The following MAP2K5 variants were observed in gnomAD, a reference collection of about 807,000 sequenced individuals.
MAP2K5 encodes the protein dual specificity mitogen-activated protein kinase kinase 5.
A neutral mutation model predicts 83.1 loss-of-function variants in MAP2K5; 49 were observed. The ratio of observed to expected loss-of-function variants is 0.59; its 90% CI spans 0.47 to 0.75. The LOEUF (loss-of-function observed/expected upper bound fraction) is 0.75, where lower values mean the gene tolerates loss of function less well. MAP2K5 is among the 30% of genes least tolerant of loss of function. MAP2K5 has a pLI of 0.00. For missense variants in MAP2K5, 457 were observed against 557.5 expected, an observed-to-expected ratio of 0.82 and a Z score of 1.82; for synonymous variants, 202 against 191.8, an observed-to-expected ratio of 1.05 and a Z score of -0.44.
Position 67,690,200 on chromosome 15 carries a change from TAAG to T in MAP2K5, c.848-2276_848-2274del, listed in dbSNP as rs2088069125. ...AATATTTAAAACTGAGGGCCCATGA[TAAG>T]AACTAGATTTGAAAAATAAGACCAA... On this transcript the variant is annotated intron_variant, in intron 13 of 21. Coordinates refer to ENST00000178640, the MANE Select transcript of MAP2K5 (RefSeq NM_145160.3). This position sits in a 1 kb window ranked among gnomAD's most constrained non-coding sequence, Gnocchi z 4.3. Among the ~76,000 whole-genome samples, 1 of 152,220 alleles carries T rather than the reference TAAG, an allele frequency of 6.6e-6. No homozygotes were observed. The highest frequency in any genetic ancestry group is 2.1e-4 in the South Asian group (1 of 4,826).
intron 2 of MAP2K5, among the ~76,000 whole-genome samples, chr15:67,551,833 A>T (rs969695717): frequency 2.0e-5 from 3 of 152,256 alleles, no homozygotes; most frequent in African/African-American, 7.2e-5. Flanking sequence ...TATAATTCAA[A>T]GCATTCAACA....
chr15:67,650,220 G>A (rs949646705), intron 11 of MAP2K5, among the ~76,000 whole-genome samples: 1 of 152,036 alleles, frequency 6.6e-6, no homozygotes, highest in Non-Finnish European at 1.5e-5. Context: ...ATAGCTTTTT[G>A]TGGATTCCTT....
At chr15:67,728,468 A>G (rs1328751175) in intron 17 of MAP2K5, among the ~76,000 whole-genome samples, 1 of 152,228 alleles carries the variant, frequency 6.6e-6, no homozygotes, top group East Asian at 1.9e-4. Context: ...CCATTATAGT[A>G]GCATTGCTGA....
intron 4 of MAP2K5, among the ~76,000 whole-genome samples, chr15:67,585,527 CT>C (rs1428109356): frequency 6.6e-6 from 1 of 152,128 alleles, no homozygotes; most frequent in Admixed American, 6.5e-5. Flanking sequence ...TCCCTTAGCT[CT>C]TTTCAAAGTA....
chr15:67,601,780 C>G (rs1183463803), intron 8 of MAP2K5, among the ~76,000 whole-genome samples: 1 of 152,204 alleles, frequency 6.6e-6, no homozygotes, highest in African/African-American at 2.4e-5. Flanking sequence ...ATTGATGCAG[C>G]CTTGGTATAG....
chr15:67,753,583 A>C (rs1231328943), intron 19 of MAP2K5, among the ~76,000 whole-genome samples: 4 of 152,244 alleles, frequency 2.6e-5, no homozygotes, highest in African/African-American at 9.6e-5. Flanking sequence ...CAATAAGCAC[A>C]TGAAAATATG....
Position 67,747,777 on chromosome 15 carries a change from T to C in MAP2K5, c.1075-454T>C, listed in dbSNP as rs2089634984. 6.6e-6 allele frequency among the ~76,000 whole-genome samples: 1 copy of C among 152,186 alleles called. No homozygotes were observed. On this transcript the variant is annotated intron_variant, in intron 17 of 21. Transcript: ENST00000178640. This position sits in a 1 kb window ranked among gnomAD's most constrained non-coding sequence, Gnocchi z 4.1. ...AAAGTTTTCCTCACAAAATAGGGGA[T>C]TGTGAGCAGACACTGGCAGGAATCC... is the stretch of plus-strand genomic sequence containing the variant.
intron 20 of MAP2K5, among the ~76,000 whole-genome samples, chr15:67,771,866 T>A (rs2090148869): frequency 6.6e-6 from 1 of 152,178 alleles, no homozygotes; most frequent in Non-Finnish European, 1.5e-5. Context: ...TTTTTCCAAG[T>A]GATAGAAGCA....
At chr15:67,575,928 T>TCTTTCTTTCTTTC (rs1596583471) in intron 3 of MAP2K5, among the ~76,000 whole-genome samples, 6 of 51,374 alleles carry the variant, frequency 1.2e-4, no homozygotes, top group African/African-American at 4.9e-4. Flanking sequence ...TTTTTTTTTT[T>TCTTTCTTTCTTTC]TTTTTTTTTA....
chr15:67,705,905 T>A (rs1213963595), intron 16 of MAP2K5, among the ~76,000 whole-genome samples: 1 of 152,090 alleles, frequency 6.6e-6, no homozygotes, highest in African/African-American at 2.4e-5. Flanking sequence ...CAGTGTGACT[T>A]GACTGGAGTT....
chr15:67,714,413 GGAAAAAAAAAAAAAAAAA>G (rs2088778961), intron 16 of MAP2K5, among the ~76,000 whole-genome samples: 1 of 42,682 alleles, frequency 2.3e-5, no homozygotes, highest in East Asian at 9.8e-4. Context: ...CAGCTGCCAG[GGAAAAAAAAAAAAAAAAA>G]AAAAAAAAAA....
intron 1 of MAP2K5, among the ~76,000 whole-genome samples, chr15:67,544,144 G>A (rs542065492): frequency 9.2e-5 from 14 of 152,080 alleles, no homozygotes; most frequent in Non-Finnish European, 8.8e-5. Context: ...TGCTTGCCTC[G>A]GCCTTCCCAA....
chr15:67,631,258 T>TTCC (rs1422148371), intron 9 of MAP2K5, among the ~76,000 whole-genome samples: 3 of 152,222 alleles, frequency 2.0e-5, no homozygotes, highest in African/African-American at 7.2e-5. Flanking sequence ...CTTCTTTAAA[T>TTCC]ATGCCACATC....
intron 15 of MAP2K5, among the ~76,000 whole-genome samples, chr15:67,701,235 G>A (rs1027770768): frequency 1.3e-5 from 2 of 152,154 alleles, no homozygotes; most frequent in African/African-American, 4.8e-5. Flanking sequence ...ATGTTTGTTA[G>A]AAGTTCTTGA....
chr15:67,646,506 T>G, intron 11 of MAP2K5, 37 bp downstream of exon 11: 1 of 1,274,136 alleles, frequency 7.8e-7, no homozygotes, highest in Non-Finnish European at 1.1e-6. Flanking sequence ...TAAAATGATT[T>G]TTAGAGTATA....
Position 67,543,359 on chromosome 15 carries a change from C to T in MAP2K5, c.24C>T (p.Pro8=). The change falls in exon 1 of 22, where the codon CCC becomes CCT. Residue 8 remains proline (P), a synonymous_variant. Transcript: ENST00000178640. The surrounding 1 kb of genome is among the most constrained non-coding windows in gnomAD (Gnocchi z 4.3). The stretch of plus-strand genomic sequence containing the variant: ...TAATGCTGTGGCTAGCCCTTGGCCC[C>T]TTTCCTGCCATGGAGAACCAGGTGC... MLWLALG[P]FPAMENQVLV... is the part of the protein sequence containing the mutation. 6.2e-6 allele frequency: 10 copies of T among 1,614,244 alleles called. No individual in the cohort carries two copies. Among genetic ancestry groups the T allele is most frequent in the South Asian group, 4.4e-5 (4 of 91,090 alleles).
rs2089568297 is a variant in MAP2K5 at position 67,744,802 on chromosome 15, T to C, written c.1075-3429T>C. 3.3e-5 allele frequency among the ~76,000 whole-genome samples: 5 copies of C among 152,176 alleles called. No homozygotes were observed. The South Asian group carries it at 8.3e-4, about 25-fold the overall frequency. ...TCCTTTCTAGCATCATTTTTCACAG[T>C]CATAAGTCATGTTATAAGAATTTTC... is the stretch of plus-strand genomic sequence containing the variant. On this transcript the variant is annotated intron_variant, in intron 17 of 21. Transcript: ENST00000178640.
At chr15:67,569,623 T>C (rs2084910902) in intron 3 of MAP2K5, among the ~76,000 whole-genome samples, 1 of 152,222 alleles carries the variant, frequency 6.6e-6, no homozygotes, top group East Asian at 1.9e-4. Context: ...TGATCTATGT[T>C]GGAGCCTGTT....
chr15:67,612,223 CCTAT>C (rs915170133), intron 8 of MAP2K5, among the ~76,000 whole-genome samples: 4 of 151,992 alleles, frequency 2.6e-5, no homozygotes, highest in African/African-American at 9.7e-5. Context: ...TCTGCTTTCT[CCTAT>C]CTATCATATT....
Sources: allele counts gnomAD v4.1 joint callset (sites outside exome capture counted in the v4.1 genomes callset), GRCh38; gene constraint gnomAD v4.1.1; non-coding constraint Gnocchi (gnomAD v3.1); transcripts MANE v1.5; gene names NCBI Gene and HGNC (gene_info 2026-07-23, HGNC 2026-07-21).